Variants in SPOCK1 observed in about 807,000 individuals in gnomAD.
SPOCK1 encodes the protein testican-1.
Under a neutral mutation model 55.3 loss-of-function variants are expected in SPOCK1, and 23 were observed. That is an observed-to-expected ratio of 0.42 (90% CI 0.30 to 0.59). SPOCK1 has a LOEUF of 0.59. Ranked by LOEUF, SPOCK1 falls within the 20% of genes least tolerant of loss-of-function variation. The pLI, the probability that SPOCK1 is intolerant of heterozygous loss-of-function variation, is 0.22. For synonymous variants in SPOCK1, 226 were observed against 221.0 expected (o/e 1.02, Z -0.20); for missense variants, 499 against 552.5 (o/e 0.90, Z 0.97).
At chr5:137,018,538 C>T (rs10491300) in intron 6 of SPOCK1, among the ~76,000 whole-genome samples, 21,538 of 152,110 alleles carry the variant, frequency 0.14, 2,038 homozygotes, top group East Asian at 0.31. Flanking sequence ...ATTGAAGATA[C>T]TGATACGAAA....
intron 3 of SPOCK1, among the ~76,000 whole-genome samples, chr5:137,233,713 C>CTTTTTTTTTTTTTTTTTTTT (rs56328555): frequency 5.6e-4 from 33 of 58,414 alleles, no homozygotes; most frequent in Non-Finnish European, 6.9e-4. Flanking sequence ...AGGATATGCA[C>CTTTTTTTTTTTTTTTTTTTT]TTTTTTTTTT....
chr5:137,150,003 A>T (rs529358890), intron 3 of SPOCK1, among the ~76,000 whole-genome samples: 4 of 152,298 alleles, frequency 2.6e-5, no homozygotes, highest in Admixed American at 6.5e-5. Context: ...CGCACAGTTC[A>T]TGCTCATTTA....
At chr5:136,990,377 C>T (rs1444267681) in intron 7 of SPOCK1, among the ~76,000 whole-genome samples, 1 of 151,272 alleles carries the variant, frequency 6.6e-6, no homozygotes, top group African/African-American at 2.4e-5. Flanking sequence ...AAAAGACTGT[C>T]TTGTCCCCTT....
intron 2 of SPOCK1, among the ~76,000 whole-genome samples, chr5:137,464,998 A>G (rs1428422800): frequency 6.6e-6 from 1 of 152,192 alleles, no homozygotes; most frequent in Non-Finnish European, 1.5e-5. Context: ...AAAGCCAGAG[A>G]TATCAGAGAG....
At chr5:137,185,650 G>A (rs188986891) in intron 3 of SPOCK1, among the ~76,000 whole-genome samples, 1 of 152,284 alleles carries the variant, frequency 6.6e-6, no homozygotes, top group East Asian at 1.9e-4. Context: ...CAGAAGGAAT[G>A]CAGAGAACAT....
intron 3 of SPOCK1, among the ~76,000 whole-genome samples, chr5:137,157,354 T>A (rs918239986): frequency 7.2e-5 from 11 of 152,356 alleles, no homozygotes; most frequent in Admixed American, 2.6e-4. Context: ...TTTTTTAGCT[T>A]AACAGGCTGT....
intron 7 of SPOCK1, among the ~76,000 whole-genome samples, chr5:136,989,319 T>C (rs1750903397): frequency 6.6e-6 from 1 of 152,090 alleles, no homozygotes; most frequent in African/African-American, 2.4e-5. Context: ...CAATGGAAAG[T>C]GTATGCACTA....
rs772390762 is a variant in SPOCK1 at position 137,160,621 on chromosome 5, ATT to A, written c.233-19929_233-19928del. Among the ~76,000 whole-genome samples the A allele has an allele frequency of 5.2e-3, 406 of 77,414 alleles. 7 individuals carry two copies. The highest frequency in any genetic ancestry group is 9.9e-3 in the Middle Eastern group (2 of 202). 50.8% of individuals were successfully genotyped at this position (77,414 alleles called of 152,430 possible). A position where few individuals can be genotyped will look rare whatever the true frequency, so the allele number is the denominator to read the frequency against. ...ATATTATATATAATATATAATATAT[ATT>A]TTATATAATATATAATATATATTTT... On this transcript the variant is annotated intron_variant, in intron 3 of 10. Coordinates refer to ENST00000394945, the MANE Select transcript of SPOCK1 (RefSeq NM_004598.4).
intron 3 of SPOCK1, among the ~76,000 whole-genome samples, chr5:137,210,165 A>G (rs1755585155): frequency 6.6e-6 from 1 of 152,200 alleles, no homozygotes; most frequent in Non-Finnish European, 1.5e-5. Flanking sequence ...GTTGTATAAT[A>G]TCAGCTAAAT....
intron 2 of SPOCK1, among the ~76,000 whole-genome samples, chr5:137,284,118 G>A (rs1424998709): frequency 6.6e-6 from 1 of 152,204 alleles, no homozygotes; most frequent in Admixed American, 6.5e-5. Context: ...AGGAAACTAT[G>A]GCTCAGAGAA....
intron 2 of SPOCK1, among the ~76,000 whole-genome samples, chr5:137,365,770 A>G (rs1346071233): frequency 2.0e-5 from 3 of 152,194 alleles, no homozygotes; most frequent in Non-Finnish European, 4.4e-5. Context: ...AGAGCTCAGA[A>G]GGTTTTCTAT....
At chr5:137,007,337 A>T (rs1380480859) in intron 6 of SPOCK1, among the ~76,000 whole-genome samples, 1 of 152,128 alleles carries the variant, frequency 6.6e-6, no homozygotes, top group African/African-American at 2.4e-5. Context: ...AGAAAAAAAA[A>T]ACCTATCATC....
chr5:136,988,333 C>A, intron 8 of SPOCK1, 89 bp downstream of exon 8: 1 of 986,646 alleles, frequency 1.0e-6, no homozygotes, highest in Non-Finnish European at 1.5e-6. Context: ...GGCTGTGGCT[C>A]TCTGCCCAAT....
At chr5:137,027,794 C>G (rs1025426548) in intron 6 of SPOCK1, among the ~76,000 whole-genome samples, 3 of 151,594 alleles carry the variant, frequency 2.0e-5, no homozygotes, top group Admixed American at 2.0e-4. Context: ...CCCTTTTGCA[C>G]CCCTCATTCT....
chr5:137,446,360 A>G (rs1753127348), intron 2 of SPOCK1, among the ~76,000 whole-genome samples: 1 of 152,148 alleles, frequency 6.6e-6, no homozygotes, highest in Admixed American at 6.5e-5. Context: ...TTGGATCTCC[A>G]GAGAGCTGTT....
chr5:137,436,164 CTA>C (rs749468954), intron 2 of SPOCK1, among the ~76,000 whole-genome samples: 3 of 151,990 alleles, frequency 2.0e-5, no homozygotes, highest in Non-Finnish European at 4.4e-5. Context: ...TCTCAAAAAA[CTA>C]TATATATATT....
intron 2 of SPOCK1, among the ~76,000 whole-genome samples, chr5:137,274,617 T>C (rs1311367470): frequency 6.6e-6 from 1 of 152,214 alleles, no homozygotes; most frequent in Non-Finnish European, 1.5e-5. Flanking sequence ...GAGAGAAACA[T>C]TAGACTTTGT....
chr5:137,064,111 T>A (rs1469740971), intron 6 of SPOCK1, among the ~76,000 whole-genome samples: 3 of 151,982 alleles, frequency 2.0e-5, no homozygotes, highest in Non-Finnish European at 4.4e-5. Context: ...GCAGTGAGAA[T>A]GAACACCACT....
At chr5:136,990,799 G>A (rs1750935716) in intron 7 of SPOCK1, among the ~76,000 whole-genome samples, 1 of 152,308 alleles carries the variant, frequency 6.6e-6, no homozygotes, top group African/African-American at 2.4e-5. Flanking sequence ...TCGGCAAAAA[G>A]AAGTGCCAAT....
Sources: allele counts gnomAD v4.1 joint callset (sites outside exome capture counted in the v4.1 genomes callset), GRCh38; gene constraint gnomAD v4.1.1; transcripts MANE v1.5; gene names NCBI Gene and HGNC (gene_info 2026-07-23, HGNC 2026-07-21).